Variants in SEC61A2 observed in about 807,000 individuals in gnomAD.
The protein encoded by SEC61A2 is SEC61 translocon subunit alpha 2, also known as protein transport protein Sec61 subunit alpha isoform 2.
In SEC61A2, 28 loss-of-function variants were observed where a neutral mutation model predicts 59.9. The ratio of observed to expected loss-of-function variants is 0.47; its 90% confidence interval spans 0.35 to 0.64. The LOEUF is 0.64. Ranked by LOEUF, SEC61A2 falls within the 30% of genes least tolerant of loss-of-function variation. The pLI is 0.01. For missense variants in SEC61A2, 340 were observed against 585.9 expected, an observed-to-expected ratio of 0.58 and a Z score of 4.33; for synonymous variants, 202 against 214.4, an observed-to-expected ratio of 0.94 and a Z score of 0.50.
In SEC61A2 at chr10:12,129,762, C is replaced by A; in HGVS notation, c.-26C>A. Reference sequence around the variant, plus strand: ...GAAGGCAGCGCCGAGGCCGCGGTTTCCCCCTGGGCCTCCCCAGCAGCAGCC... The same window carrying A: ...GAAGGCAGCGCCGAGGCCGCGGTTTACCCCTGGGCCTCCCCAGCAGCAGCC... On this transcript the variant is annotated 5_prime_UTR_variant, in exon 1 of 12. Coordinates refer to ENST00000298428, the MANE Select transcript of SEC61A2 (RefSeq NM_018144.4). The surrounding 1 kb of genome is among the most constrained non-coding windows in gnomAD (Gnocchi z 5.6). The A allele has an allele frequency of 6.7e-7, 1 of 1,486,840 alleles. No homozygotes were observed. Among genetic ancestry groups the A allele is most frequent in the Admixed American group, 2.3e-5 (1 of 42,932 alleles). 92.1% of individuals were successfully genotyped at this position (1,486,840 alleles called of 1,614,324 possible).
rs375005771 is a variant in SEC61A2 at position 12,149,710 on chromosome 10, C to T, written c.336C>T (p.Phe112=). ...ATACACCGAAAGATAGAGCTTTATT[C>T]AATGGAGCCCAGAAACGTGAGCATT... is the stretch of plus-strand genomic sequence containing the variant. The part of the protein sequence containing the change: ...VGDTPKDRAL[F]NGAQKLFGMI... Residue 112 remains phenylalanine (F), a synonymous_variant, in exon 5 of 12, where the codon TTC becomes TTT. Transcript: ENST00000298428. This position sits in a 1 kb window ranked among gnomAD's most constrained non-coding sequence, Gnocchi z 5.2. 3.4e-5 allele frequency: 54 copies of T among 1,611,726 alleles called. No individual in the cohort carries two copies. Among genetic ancestry groups the T allele is most frequent in the Non-Finnish European group, 4.4e-5 (52 of 1,179,448 alleles).
intron 4 of SEC61A2, among the ~76,000 whole-genome samples, chr10:12,148,415 T>C (rs964938743): frequency 6.6e-6 from 1 of 151,488 alleles, no homozygotes; most frequent in African/African-American, 2.4e-5. Flanking sequence ...CCGGATACTT[T>C]TGTATTTTTA....
Position 12,157,057 on chromosome 10 carries a change from T to C in SEC61A2, c.767T>C (p.Ile256Thr), listed in dbSNP as rs1237036832. ...ACAGTTTTTGTGTTTGCTGTTGTTA[T>C]ATATTTCCAAGTAAGTATAACCTTT... ...IATVFVFAVV[I>T]YFQGFRVDLP... Residue 256 changes from isoleucine (I) to threonine (T), a missense_variant, in exon 8 of 12, where the codon ATA becomes ACA. Physicochemically the swap from Ile to Thr is moderately conservative, Grantham distance 89. Transcript: ENST00000298428. The C allele has an allele frequency of 1.2e-6, 2 of 1,613,880 alleles. No individual in the cohort carries two copies. Among genetic ancestry groups the C allele is most frequent in the East Asian group, 2.2e-5 (1 of 44,888 alleles).
chr10:12,155,400 T>A lies in SEC61A2; in HGVS notation c.463-378T>A. ...AGAATTCATCTGACTTTTTACTTCC[T>A]TGGAGGTATTTGGGATGTTTTCAGT... On this transcript the variant is annotated intron_variant, in intron 6 of 11. Transcript: ENST00000298428. The surrounding 1 kb of genome is among the most constrained non-coding windows in gnomAD (Gnocchi z 4.3). The A allele has an allele frequency of 6.8e-7, 1 of 1,464,310 alleles. No homozygotes were observed. The highest frequency in any genetic ancestry group is 9.2e-7 in the Non-Finnish European group (1 of 1,089,236). 90.7% of individuals were successfully genotyped at this position (1,464,310 alleles called of 1,614,324 possible).
Position 12,164,629 on chromosome 10 carries a change from G to C in SEC61A2, c.*175G>C. On this transcript the variant is annotated 3_prime_UTR_variant, in exon 12 of 12. Transcript: ENST00000298428. The surrounding 1 kb of genome is among the most constrained non-coding windows in gnomAD (Gnocchi z 7.3). The stretch of plus-strand genomic sequence containing the variant: ...AAGTCTGTGTGCAGCATTAGTACCC[G>C]CTGCCTTAAAACTCAAGTTTACATT... The C allele has an allele frequency of 1.4e-6, 2 of 1,395,938 alleles. No homozygotes were observed. Among genetic ancestry groups the C allele is most frequent in the South Asian group, 1.6e-5 (1 of 61,210 alleles). The allele number at this position is 1,395,938 out of a possible 1,614,324, so 86.5% of individuals were successfully genotyped here.
In SEC61A2 at chr10:12,155,244, G is replaced by GT; in HGVS notation, c.463-528dup. On this transcript the variant is annotated intron_variant, in intron 6 of 11. Coordinates refer to ENST00000298428, the MANE Select transcript of SEC61A2 (RefSeq NM_018144.4). This position sits in a 1 kb window ranked among gnomAD's most constrained non-coding sequence, Gnocchi z 4.3. ...TATTTGAGTACATATTTGTGTTCTA[G>GT]TTTTTTATTCTGTACACATTTTATA... 1 of 1,159,432 alleles carries GT rather than the reference G, an allele frequency of 8.6e-7. No individual in the cohort carries two copies. Among genetic ancestry groups the GT allele is most frequent in the Non-Finnish European group, 1.1e-6 (1 of 882,578 alleles). 71.8% of individuals were successfully genotyped at this position (1,159,432 alleles called of 1,614,324 possible).
intron 3 of SEC61A2, among the ~76,000 whole-genome samples, chr10:12,139,236 A>G (rs151052517): frequency 0.017 from 2,565 of 149,828 alleles, 83 homozygotes; most frequent in African/African-American, 0.059. Context: ...TGCTGGGATT[A>G]CAGGCGTGAG....
intron 3 of SEC61A2, among the ~76,000 whole-genome samples, chr10:12,136,376 C>T (rs1471696351): frequency 2.6e-5 from 4 of 152,118 alleles, no homozygotes; most frequent in African/African-American, 7.2e-5. Context: ...GGCATGATCT[C>T]GGCTCACCGC....
rs903979226 is a variant in SEC61A2, at chr10:12,149,496, C to G, written c.221-99C>G. The G allele has an allele frequency of 8.4e-7, 1 of 1,183,962 alleles. No homozygotes were observed. The highest frequency in any genetic ancestry group is 1.5e-5 in the African/African-American group (1 of 64,786). 73.3% of individuals were successfully genotyped at this position (1,183,962 alleles called of 1,614,324 possible). On this transcript the variant is annotated intron_variant, in intron 4 of 11. Transcript: ENST00000298428. This position sits in a 1 kb window ranked among gnomAD's most constrained non-coding sequence, Gnocchi z 5.2. ...GAAAATTTGCTTGTTAAAATTTTCA[C>G]GTGTGTTTCAGTTGAGGTAATTAGG... is the stretch of plus-strand genomic sequence containing the variant.
At position 12,149,616 on chromosome 10, in the gene SEC61A2, T is replaced by A. The variant is rs753620356; in HGVS notation, c.242T>A (p.Ile81Asn). 6.2e-7 allele frequency: 1 copy of A among 1,609,118 alleles called. No homozygotes were observed. Among genetic ancestry groups the A allele is most frequent in the African/African-American group, 1.3e-5 (1 of 74,724 alleles). Residue 81 changes from isoleucine (I) to asparagine (N), a missense_variant, in exon 5 of 12, where the codon ATC becomes AAC. Physicochemically the swap from Ile to Asn is moderately radical, Grantham distance 149 (BLOSUM62 -3). Around this residue, in one of 3 missense-constraint regions of SEC61A2, gnomAD observed 16 missense variants for 55.0 expected, o/e 0.29. Transcript: ENST00000298428. The surrounding 1 kb of genome is among the most constrained non-coding windows in gnomAD (Gnocchi z 5.2). ...CCAGGAACTTTAATGGAATTGGGTA[T>A]CTCCCCAATTGTAACATCTGGTTTG... ...SNRGTLMELG[I>N]SPIVTSGLIM...
In SEC61A2 at chr10:12,156,036, C is replaced by A; in HGVS notation, c.616+105C>A. ...CCTAGAGCCGTTCTGGTTTGCTCTC[C>A]TAGGGGATAAGGAATGCGAATTCTT... On this transcript the variant is annotated intron_variant, in intron 7 of 11. Coordinates refer to ENST00000298428, the MANE Select transcript of SEC61A2 (RefSeq NM_018144.4). This position sits in a 1 kb window ranked among gnomAD's most constrained non-coding sequence, Gnocchi z 5.2. 8.4e-7 allele frequency: 1 copy of A among 1,194,278 alleles called. No individual in the cohort carries two copies. The highest frequency in any genetic ancestry group is 1.4e-5 in the South Asian group (1 of 72,414). The allele number at this position is 1,194,278 out of a possible 1,614,324, so 74.0% of individuals were successfully genotyped here.
downstream of SEC61A2, among the ~76,000 whole-genome samples, chr10:12,168,753 T>C (rs544917300): frequency 3.3e-5 from 5 of 152,110 alleles, no homozygotes; most frequent in South Asian, 8.3e-4. The surrounding 1 kb of genome is among the most constrained non-coding windows in gnomAD (Gnocchi z 4.8). Context: ...AGCAAACTGA[T>C]CTTTTTTTAA....
intron 2 of SEC61A2, among the ~76,000 whole-genome samples, chr10:12,135,144 C>T (rs1473471788): frequency 6.9e-6 from 1 of 145,098 alleles, no homozygotes; most frequent in Non-Finnish European, 1.5e-5. Context: ...CACACAGGGG[C>T]CTGTGGGGGT....
At chr10:12,169,266 T>A (rs1393082366), downstream of SEC61A2, 4 of 1,549,596 alleles carry the variant, frequency 2.6e-6, no homozygotes, top group African/African-American at 5.5e-5. This position sits in a 1 kb window ranked among gnomAD's most constrained non-coding sequence, Gnocchi z 4.8. Context: ...AGACCAAAAG[T>A]GAAGTTAAGA....
intron 6 of SEC61A2, among the ~76,000 whole-genome samples, chr10:12,151,488 T>A (rs1834273985): frequency 6.6e-6 from 1 of 150,726 alleles, no homozygotes; most frequent in South Asian, 2.1e-4. Flanking sequence ...ATTTTTGTAT[T>A]TTTAGTAGAG....
rs116991366 is a variant in SEC61A2 at position 12,146,934 on chromosome 10, C to T, written c.221-2661C>T. 7.0e-4 allele frequency among the ~76,000 whole-genome samples: 107 copies of T among 152,246 alleles called. 1 individual carries two copies. In the East Asian group the frequency reaches 0.02, roughly 29 times the overall value. Reference sequence around the variant, plus strand: ...TTTGGGACAGGCTCTTGCTCTGTTGCCCAGGCTGGAGTGCAGTGGTGCAAA... The same window carrying T: ...TTTGGGACAGGCTCTTGCTCTGTTGTCCAGGCTGGAGTGCAGTGGTGCAAA... On this transcript the variant is annotated intron_variant, in intron 4 of 11. Transcript: ENST00000298428.
rs1444735061 is a variant in SEC61A2, at chr10:12,152,090, AT to A, written c.462+2139del. ...GTTTTGTCATTTGACCAGGGCAGGA[AT>A]TTTTTTTTTCGAGACGGAGTCCTGC... On this transcript the variant is annotated intron_variant, in intron 6 of 11. Transcript: ENST00000298428. The surrounding 1 kb of genome is among the most constrained non-coding windows in gnomAD (Gnocchi z 5.5). Among the ~76,000 whole-genome samples the A allele has an allele frequency of 6.6e-6, 1 of 150,876 alleles. No individual in the cohort carries two copies. Among genetic ancestry groups the A allele is most frequent in the Non-Finnish European group, 1.5e-5 (1 of 67,604 alleles).
chr10:12,157,824 A>T, intron 8 of SEC61A2, 84 bp from the exon 9 acceptor site: 1 of 1,300,282 alleles, frequency 7.7e-7, no homozygotes, highest in South Asian at 1.2e-5. Context: ...CATCCCCCGC[A>T]CTGTTCTTTG....
intron 11 of SEC61A2, among the ~76,000 whole-genome samples, chr10:12,163,787 T>TC (rs1834592645): frequency 6.6e-6 from 1 of 152,200 alleles, no homozygotes; most frequent in Non-Finnish European, 1.5e-5. Flanking sequence ...TGTTCTTGTT[T>TC]CACCTATCAC....
Sources: allele counts gnomAD v4.1 joint callset (sites outside exome capture counted in the v4.1 genomes callset), GRCh38; gene constraint gnomAD v4.1.1; regional missense constraint gnomAD v4.1.1; non-coding constraint Gnocchi (gnomAD v3.1); transcripts MANE v1.5; gene names NCBI Gene and HGNC (gene_info 2026-07-23, HGNC 2026-07-21).